IQCJ: variants seen among roughly 807,000 people sequenced by gnomAD.
IQCJ encodes IQ motif containing J, also known as IQ domain-containing protein J.
Under a neutral mutation model 11.0 loss-of-function variants are expected in IQCJ, and 9 were observed. The observed-to-expected ratio is 0.82, with a 90% CI of 0.49 to 1.43. IQCJ has a LOEUF of 1.43. Ranked by LOEUF, IQCJ falls within the 40% of genes most tolerant of loss-of-function variation. The pLI, the probability that IQCJ is intolerant of heterozygous loss-of-function variation, is 0.00. For synonymous variants in IQCJ, 55 were observed against 51.3 expected (o/e 1.07, Z -0.31); for missense variants, 146 against 133.2 (o/e 1.10, Z -0.47).
At chr3:159,132,016 T>C (rs994786867) in intron 1 of IQCJ, among the ~76,000 whole-genome samples, 7 of 152,122 alleles carry the variant, frequency 4.6e-5, no homozygotes, top group African/African-American at 1.7e-4. Context: ...CTGCCATGAA[T>C]TTGCCTCTGT....
chr3:159,158,310 T>A (rs1055258720), intron 1 of IQCJ, among the ~76,000 whole-genome samples: 2 of 152,220 alleles, frequency 1.3e-5, no homozygotes, highest in South Asian at 4.1e-4. Context: ...GCAGTGATGA[T>A]GCTGGAAGCC....
Position 159,082,720 on chromosome 3 carries a change from C to A in IQCJ, c.9+13279C>A, listed in dbSNP as rs888362136. On this transcript the variant is annotated intron_variant, in intron 1 of 3. Transcript: ENST00000397832. ...GGGCTAGAGGTCTGTCATCATGAGTCAATACCCATCTAAGTTGTTTATGCA... is the reference window on the plus strand; with the variant it reads ...GGGCTAGAGGTCTGTCATCATGAGTAAATACCCATCTAAGTTGTTTATGCA... 3.9e-5 allele frequency among the ~76,000 whole-genome samples: 6 copies of A among 152,108 alleles called. No homozygotes were observed. In the East Asian group the frequency reaches 1.2e-3, roughly 29 times the overall value.
At chr3:159,151,605 A>C (rs1287529619) in intron 1 of IQCJ, among the ~76,000 whole-genome samples, 1 of 152,168 alleles carries the variant, frequency 6.6e-6, no homozygotes, top group Non-Finnish European at 1.5e-5. Context: ...AAAAAACAAA[A>C]CAAAAACAAA....
intron 3 of IQCJ, among the ~76,000 whole-genome samples, chr3:159,262,046 C>A (rs546330958): frequency 1.3e-5 from 2 of 152,244 alleles, no homozygotes; most frequent in Non-Finnish European, 2.9e-5. Context: ...GACACCTTCA[C>A]CTTGCAGTCA....
intron 1 of IQCJ, among the ~76,000 whole-genome samples, chr3:159,231,123 G>T (rs1726221991): frequency 6.6e-6 from 1 of 152,100 alleles, no homozygotes; most frequent in Non-Finnish European, 1.5e-5. Flanking sequence ...AAGATATTTA[G>T]AATTAATGGG....
intron 1 of IQCJ, among the ~76,000 whole-genome samples, chr3:159,183,755 G>A (rs530890315): frequency 1.8e-4 from 27 of 152,222 alleles, no homozygotes; most frequent in African/African-American, 6.3e-4. Flanking sequence ...GGAGGATCAG[G>A]TGAGACATTA....
intron 1 of IQCJ, among the ~76,000 whole-genome samples, chr3:159,127,190 T>C (rs1719726119): frequency 6.6e-6 from 1 of 152,238 alleles, no homozygotes; most frequent in Non-Finnish European, 1.5e-5. Context: ...AATGTGATAT[T>C]AACCAAGCCA....
At chr3:159,111,705 C>T (rs1718642774) in intron 1 of IQCJ, among the ~76,000 whole-genome samples, 1 of 152,184 alleles carries the variant, frequency 6.6e-6, no homozygotes, top group African/African-American at 2.4e-5. Context: ...TGCACCTTAG[C>T]AGTCAGCACT....
chr3:159,265,107 G>T, downstream of IQCJ: 1 of 849,374 alleles, frequency 1.2e-6, no homozygotes, highest in Non-Finnish European at 1.8e-6. Flanking sequence ...CCAAGTCTCT[G>T]GTTTGTCACT....
intron 2 of IQCJ, 83 bp from the exon 3 acceptor site, chr3:159,252,644 C>A: frequency 8.3e-7 from 1 of 1,198,478 alleles, no homozygotes; most frequent in Non-Finnish European, 1.1e-6. Flanking sequence ...TTATTTTACA[C>A]ATAAGTATAA....
At chr3:159,109,536 A>AAC (rs1553776698) in intron 1 of IQCJ, among the ~76,000 whole-genome samples, 3 of 151,426 alleles carry the variant, frequency 2.0e-5, no homozygotes, top group Non-Finnish European at 4.4e-5. Context: ...CTAAAAAAAA[A>AAC]AAAAAAAAAA....
chr3:159,184,668 A>G (rs778515621), intron 1 of IQCJ, among the ~76,000 whole-genome samples: 2 of 152,220 alleles, frequency 1.3e-5, no homozygotes, highest in Admixed American at 1.3e-4. Flanking sequence ...CTTCTGTTAC[A>G]TTCCATGGTT....
intron 1 of IQCJ, among the ~76,000 whole-genome samples, chr3:159,079,264 T>A (rs1716150028): frequency 6.6e-6 from 1 of 152,054 alleles, no homozygotes; most frequent in Non-Finnish European, 1.5e-5. Flanking sequence ...CAGTTTATGA[T>A]CAACAGTAAG....
At chr3:159,158,720 C>A (rs1034378909) in intron 1 of IQCJ, among the ~76,000 whole-genome samples, 1 of 152,160 alleles carries the variant, frequency 6.6e-6, no homozygotes, top group African/African-American at 2.4e-5. Flanking sequence ...ATTGGCAGTA[C>A]CTGTGACTTT....
intron 1 of IQCJ, among the ~76,000 whole-genome samples, chr3:159,237,432 A>G (rs913711294): frequency 9.9e-5 from 15 of 152,186 alleles, no homozygotes; most frequent in African/African-American, 3.6e-4. Flanking sequence ...CAGGAGGGTA[A>G]AGCCAGACAC....
chr3:159,264,818 A>G (rs1310311772), downstream of IQCJ, among the ~76,000 whole-genome samples: 3 of 152,002 alleles, frequency 2.0e-5, no homozygotes, highest in African/African-American at 7.3e-5. Context: ...AGACTGAGGC[A>G]GGAGAATGAA....
chr3:159,096,155 A>C lies in IQCJ; in HGVS notation c.9+26714A>C, dbSNP rs1349153484. Among the ~76,000 whole-genome samples the C allele has an allele frequency of 2.2e-4, 20 of 90,358 alleles. 1 individual carries two copies. Among genetic ancestry groups the C allele is most frequent in the African/African-American group, 9.1e-4 (19 of 20,948 alleles). 59.3% of individuals were successfully genotyped at this position (90,358 alleles called of 152,430 possible). A position where few individuals can be genotyped will look rare whatever the true frequency, so the allele number is the denominator to read the frequency against. On this transcript the variant is annotated intron_variant, in intron 1 of 3. Transcript: ENST00000397832. ...TCTTCATGTGTTTTTTGGCTGCATA[A>C]ATGTCTTCTTTTGAGAAGTGTCTGT...
At chr3:159,165,390 G>A (rs1171561277) in intron 1 of IQCJ, among the ~76,000 whole-genome samples, 2 of 152,204 alleles carry the variant, frequency 1.3e-5, no homozygotes, top group African/African-American at 4.8e-5. Context: ...GACTCCAAGA[G>A]TGGTAACTTC....
intron 3 of IQCJ, among the ~76,000 whole-genome samples, chr3:159,259,990 A>G (rs1461379450): frequency 6.6e-6 from 1 of 152,270 alleles, no homozygotes; most frequent in African/African-American, 2.4e-5. Flanking sequence ...TAAGAAAGTC[A>G]GTGGGTGCAC....
Sources: gnomAD v4.1 joint callset for allele counts (sites outside exome capture counted in the v4.1 genomes callset) on GRCh38, gnomAD v4.1.1 for gene constraint, MANE v1.5 for transcripts, NCBI Gene and HGNC (gene_info 2026-07-23, HGNC 2026-07-21) for gene names.